MTA3: variants seen among roughly 807,000 people sequenced by gnomAD.
MTA3 encodes the protein metastasis associated 1 family member 3, also known as metastasis-associated protein MTA3.
MTA3 carries 34 observed loss-of-function variants against 83.5 expected under a neutral mutation model. The ratio of observed to expected loss-of-function variants is 0.41; its 90% confidence interval spans 0.31 to 0.54. The LOEUF (loss-of-function observed/expected upper bound fraction) is 0.54, where lower values mean the gene tolerates loss of function less well. Ranked by LOEUF, MTA3 falls within the 20% of genes least tolerant of loss-of-function variation. MTA3 has a pLI of 0.33. For missense variants in MTA3, 761 were observed against 726.4 expected (o/e 1.05, Z -0.55); for synonymous variants, 303 against 252.7 (o/e 1.20, Z -1.89).
chr2:42,610,423 A>G (rs981479877), intron 4 of MTA3, among the ~76,000 whole-genome samples: 2 of 152,212 alleles, frequency 1.3e-5, no homozygotes, highest in Non-Finnish European at 2.9e-5. Context: ...AAATGTGCAG[A>G]AAAAAGGTGA....
At chr2:42,749,460 T>TA (rs1410877729) in intron 16 of MTA3, among the ~76,000 whole-genome samples, 3 of 152,174 alleles carry the variant, frequency 2.0e-5, no homozygotes, top group Admixed American at 6.6e-5. Context: ...TGTTCTTTTT[T>TA]AAAAAAATTA....
chr2:42,559,234 G>A (rs2103795517), intron 2 of MTA3, among the ~76,000 whole-genome samples: 1 of 152,334 alleles, frequency 6.6e-6, no homozygotes, highest in Middle Eastern at 3.4e-3. Flanking sequence ...GGGCGCAGTG[G>A]CTCACGCCTG....
At chr2:42,686,961 A>AC (rs956625291) in intron 9 of MTA3, among the ~76,000 whole-genome samples, 2 of 151,868 alleles carry the variant, frequency 1.3e-5, no homozygotes, top group Non-Finnish European at 2.9e-5. Context: ...TCTACAAAAA[A>AC]AAAAAAAATA....
intron 8 of MTA3, among the ~76,000 whole-genome samples, chr2:42,679,851 T>TC (rs924770727): frequency 1.8e-4 from 27 of 151,996 alleles, no homozygotes; most frequent in Non-Finnish European, 3.4e-4. Flanking sequence ...TTTTTTTTTT[T>TC]CCCCACTTTG....
intron 3 of MTA3, among the ~76,000 whole-genome samples, chr2:42,605,793 C>T (rs1227009459): frequency 8.1e-6 from 1 of 122,740 alleles, no homozygotes; most frequent in African/African-American, 3.2e-5. Context: ...GGCGGCCGGG[C>T]AGAGGCGCCC....
At chr2:42,559,438 G>C (rs1677556057) in intron 2 of MTA3, among the ~76,000 whole-genome samples, 1 of 150,934 alleles carries the variant, frequency 6.6e-6, no homozygotes, top group Non-Finnish European at 1.5e-5. Context: ...GGAGGCGGAG[G>C]CCGCAGTAAG....
chr2:42,651,408 A>G (rs960075020), intron 6 of MTA3, among the ~76,000 whole-genome samples: 11 of 152,180 alleles, frequency 7.2e-5, no homozygotes, highest in African/African-American at 2.2e-4. Context: ...CTCTTCTATA[A>G]AAACACTTAA....
At chr2:42,695,899 T>A in intron 10 of MTA3, 60 bp downstream of exon 10, 1 of 1,168,914 alleles carries the variant, frequency 8.6e-7, no homozygotes, top group Non-Finnish European at 1.2e-6. Flanking sequence ...CTGTTTATAT[T>A]TTAATATTTT....
intron 15 of MTA3, among the ~76,000 whole-genome samples, chr2:42,720,970 AAAAAG>A (rs1558618596): frequency 3.3e-4 from 49 of 149,930 alleles, no homozygotes; most frequent in Middle Eastern, 6.9e-3. Flanking sequence ...AAAAAAAAAA[AAAAAG>A]AAAAGAAAAG....
rs534210437 is a variant in MTA3 at position 42,754,513 on chromosome 2, CAGCTGTGCTGAGT to C, written c.*1124_*1136del. 1,121 of 985,502 alleles carry C rather than the reference CAGCTGTGCTGAGT, an allele frequency of 1.1e-3. 14 individuals carry two copies. In the African/African-American group the frequency reaches 0.019, roughly 16 times the overall value. 61.0% of individuals were successfully genotyped at this position (985,502 alleles called of 1,614,324 possible). A position where few individuals can be genotyped will look rare whatever the true frequency, so the allele number is the denominator to read the frequency against. ...CTTGGTGGCATCACAGTTGGCCACT[CAGCTGTGCTGAGT>C]AGCTGTGCTACTTGTGCTGGCAGCT... On this transcript the variant is annotated 3_prime_UTR_variant, in exon 17 of 17. Transcript: ENST00000405094.
chr2:42,662,114 G>T (rs1286813715), intron 8 of MTA3, among the ~76,000 whole-genome samples: 1 of 152,054 alleles, frequency 6.6e-6, no homozygotes, highest in Admixed American at 6.6e-5. Context: ...TATAAACACA[G>T]TTCATTCATT....
intron 16 of MTA3, among the ~76,000 whole-genome samples, chr2:42,749,030 A>G (rs1669659415): frequency 6.6e-6 from 1 of 152,246 alleles, no homozygotes; most frequent in South Asian, 2.1e-4. Context: ...AGCACTGGAC[A>G]GCTCTTGAAG....
At chr2:42,733,430 A>G (rs1042392820) in intron 16 of MTA3, among the ~76,000 whole-genome samples, 3 of 152,198 alleles carry the variant, frequency 2.0e-5, no homozygotes, top group African/African-American at 4.8e-5. Flanking sequence ...ACATGTGGGA[A>G]TTCCGGGAGG....
At chr2:42,611,134 A>G (rs865810426) in intron 4 of MTA3, among the ~76,000 whole-genome samples, 3 of 151,876 alleles carry the variant, frequency 2.0e-5, no homozygotes, top group Non-Finnish European at 2.9e-5. Context: ...GGCACATGCC[A>G]CCATGCCCAG....
In MTA3 at chr2:42,754,974, C is replaced by T; in HGVS notation, c.*1575C>T. On this transcript the variant is annotated 3_prime_UTR_variant, in exon 17 of 17. Transcript: ENST00000405094. ...CAAGGGCGAGCATGGGATGTCTCCA[C>T]CACCACCCACTCTTGGAGCTGTGCT... 1 of 985,514 alleles carries T rather than the reference C, an allele frequency of 1.0e-6. No individual in the cohort carries two copies. Among genetic ancestry groups the T allele is most frequent in the Non-Finnish European group, 1.2e-6 (1 of 830,052 alleles). 61.0% of individuals were successfully genotyped at this position (985,514 alleles called of 1,614,324 possible).
chr2:42,495,952 A>G (rs531245850), intron 2 of MTA3, among the ~76,000 whole-genome samples: 2 of 152,300 alleles, frequency 1.3e-5, no homozygotes, highest in East Asian at 3.9e-4. Context: ...AAAAGTTTGC[A>G]GATGTGAGCC....
chr2:42,561,261 G>C (rs1677661765), intron 2 of MTA3, among the ~76,000 whole-genome samples: 1 of 151,676 alleles, frequency 6.6e-6, no homozygotes, highest in Non-Finnish European at 1.5e-5. Flanking sequence ...TTTGTTCTCT[G>C]ATCTTGATTT....
upstream of MTA3, among the ~76,000 whole-genome samples, chr2:42,566,596 G>T (rs1250003957): frequency 6.6e-6 from 1 of 152,116 alleles, no homozygotes; most frequent in Non-Finnish European, 1.5e-5. Context: ...GTTCCTAAGG[G>T]GACATAGGGA....
At chr2:42,600,494 T>C (rs1682423367) in intron 3 of MTA3, among the ~76,000 whole-genome samples, 1 of 94,422 alleles carries the variant, frequency 1.1e-5, no homozygotes, top group South Asian at 4.8e-4. Flanking sequence ...CATGTTTCTT[T>C]TTATTAATTT....
Sources: allele counts gnomAD v4.1 joint callset (sites outside exome capture counted in the v4.1 genomes callset), GRCh38; gene constraint gnomAD v4.1.1; transcripts MANE v1.5; gene names NCBI Gene and HGNC (gene_info 2026-07-23, HGNC 2026-07-21).